The following CPNE4 variants were observed in gnomAD, a reference collection of about 807,000 sequenced individuals.
CPNE4 encodes copine 4, also known as copine-4.
CPNE4 carries 25 observed loss-of-function variants against 67.9 expected under a neutral mutation model. The ratio of observed to expected loss-of-function variants is 0.37; its 90% CI spans 0.27 to 0.51. CPNE4 has a LOEUF of 0.51. Among genes scored for constraint, CPNE4 ranks in the 20% least tolerant of loss-of-function variants. The pLI, the probability that CPNE4 is intolerant of heterozygous loss-of-function variation, is 0.93. For synonymous variants in CPNE4, 242 were observed against 244.9 expected (o/e 0.99, Z 0.11); for missense variants, 464 against 690.8 (o/e 0.67, Z 3.68).
intron 1 of CPNE4, among the ~76,000 whole-genome samples, chr3:132,021,841 A>G (rs2074003670): frequency 6.6e-6 from 1 of 152,178 alleles, no homozygotes; most frequent in African/African-American, 2.4e-5. Context: ...GTAACCACCT[A>G]TTGGAAGTAT....
Position 131,678,179 on chromosome 3 carries a change from C to T in CPNE4, c.591+7696G>A, listed in dbSNP as rs193037470. On this transcript the variant is annotated intron_variant, in intron 6 of 15. Transcript: ENST00000429747. ...TAGCTGTATTTCTAGGCATGTCACT[C>T]TTTTTTTTTAGTAGCAATTGTGAAT... Among the ~76,000 whole-genome samples, 361 of 150,706 alleles carry T rather than the reference C, an allele frequency of 2.4e-3. 1 individual carries two copies. Among genetic ancestry groups the T allele is most frequent in the African/African-American group, 8.2e-3 (337 of 41,208 alleles).
At chr3:131,643,329 G>A (rs1328242405) in intron 7 of CPNE4, among the ~76,000 whole-genome samples, 1 of 152,186 alleles carries the variant, frequency 6.6e-6, no homozygotes, top group Non-Finnish European at 1.5e-5. Flanking sequence ...GAACTTTAAG[G>A]TTTAATGACT....
chr3:131,780,356 T>C (rs565859369), intron 2 of CPNE4, among the ~76,000 whole-genome samples: 12 of 152,252 alleles, frequency 7.9e-5, no homozygotes, highest in African/African-American at 2.9e-4. Flanking sequence ...TATAAATTGT[T>C]CTATCATAAA....
intron 1 of CPNE4, among the ~76,000 whole-genome samples, chr3:131,910,090 G>A (rs974193399): frequency 6.6e-6 from 1 of 152,030 alleles, no homozygotes; most frequent in Non-Finnish European, 1.5e-5. Context: ...AGGCTGTTTT[G>A]CTGCTCACTT....
chr3:131,670,816 G>T (rs201390793), intron 6 of CPNE4, among the ~76,000 whole-genome samples: 4 of 28,414 alleles, frequency 1.4e-4, no homozygotes, highest in African/African-American at 7.7e-4. Context: ...GGAATTTTTT[G>T]TTTTTTTTTT....
chr3:131,877,058 C>T (rs1019854135), intron 2 of CPNE4, among the ~76,000 whole-genome samples: 3 of 151,448 alleles, frequency 2.0e-5, no homozygotes, highest in African/African-American at 7.3e-5. Flanking sequence ...CCTTCCTCTG[C>T]TTTAGGAGTT....
chr3:131,834,848 T>C (rs900299611), intron 2 of CPNE4, among the ~76,000 whole-genome samples: 5 of 152,136 alleles, frequency 3.3e-5, no homozygotes, highest in South Asian at 2.1e-4. Flanking sequence ...ATATAAAGTT[T>C]TGGTATTAAA....
At chr3:131,684,654 C>T (rs1022844395) in intron 6 of CPNE4, among the ~76,000 whole-genome samples, 1 of 152,178 alleles carries the variant, frequency 6.6e-6, no homozygotes, top group African/African-American at 2.4e-5. Context: ...CACACCACCA[C>T]CTTATGAAAG....
chr3:131,654,247 T>C (rs1488789753), intron 7 of CPNE4, among the ~76,000 whole-genome samples: 1 of 152,168 alleles, frequency 6.6e-6, no homozygotes, highest in Non-Finnish European at 1.5e-5. Context: ...TCCTCATCTA[T>C]TGTTTTTTTT....
intron 1 of CPNE4, among the ~76,000 whole-genome samples, chr3:132,004,922 T>C (rs1478172035): frequency 1.3e-5 from 2 of 152,086 alleles, no homozygotes; most frequent in South Asian, 4.1e-4. Flanking sequence ...ACCACTAGAA[T>C]AGATTCTTTT....
chr3:131,906,661 A>T (rs1314530423), intron 1 of CPNE4, among the ~76,000 whole-genome samples: 1 of 151,852 alleles, frequency 6.6e-6, no homozygotes, highest in Non-Finnish European at 1.5e-5. Flanking sequence ...ATTGTTGGAC[A>T]TTTGGGTTGT....
chr3:131,914,996 T>C (rs908588294), intron 1 of CPNE4, among the ~76,000 whole-genome samples: 7 of 152,050 alleles, frequency 4.6e-5, no homozygotes, highest in Admixed American at 3.3e-4. Flanking sequence ...TAAAATAAAA[T>C]AAAAACTTGC....
chr3:131,812,984 T>C (rs1185695237), intron 2 of CPNE4, among the ~76,000 whole-genome samples: 1 of 152,192 alleles, frequency 6.6e-6, no homozygotes, highest in Non-Finnish European at 1.5e-5. Context: ...ATAAGGATAC[T>C]TAAAGAAAAC....
At chr3:131,817,861 C>T (rs1447980421) in intron 2 of CPNE4, among the ~76,000 whole-genome samples, 1 of 152,174 alleles carries the variant, frequency 6.6e-6, no homozygotes, top group Non-Finnish European at 1.5e-5. Context: ...ACCACCTCTC[C>T]TAAATGAAAA....
intron 2 of CPNE4, among the ~76,000 whole-genome samples, chr3:131,852,960 T>A (rs1017823052): frequency 2.0e-5 from 3 of 151,782 alleles, no homozygotes; most frequent in African/African-American, 7.2e-5. Context: ...AGAAATTTTT[T>A]AAATATTTTA....
chr3:131,959,522 G>A (rs530463511), intron 1 of CPNE4, among the ~76,000 whole-genome samples: 1 of 152,250 alleles, frequency 6.6e-6, no homozygotes, highest in East Asian at 1.9e-4. Flanking sequence ...CACCAAAGTT[G>A]AGACACCAAT....
rs145574405 is a variant in CPNE4, at chr3:131,881,276, A to C, written c.180+23988T>G. ...ATACCTTTAGCTTTAGCCTTGGCCT[A>C]TTCTCCCCTTCTTCTAGATAAGATT... On this transcript the variant is annotated intron_variant, in intron 2 of 15. Coordinates refer to ENST00000429747, the MANE Select transcript of CPNE4 (RefSeq NM_130808.3). Among the ~76,000 whole-genome samples the C allele has an allele frequency of 2.4e-4, 36 of 152,240 alleles. No homozygotes were observed. In the East Asian group the frequency reaches 6.8e-3, roughly 29 times the overall value.
intron 2 of CPNE4, among the ~76,000 whole-genome samples, chr3:131,791,282 T>C (rs1199988111): frequency 1.3e-5 from 2 of 152,182 alleles, no homozygotes; most frequent in African/African-American, 4.8e-5. Context: ...TGTAATAGCC[T>C]TGTCACTCTT....
At position 131,583,030 on chromosome 3, in the gene CPNE4, A is replaced by G. The variant is rs529247264; in HGVS notation, c.781-1365T>C. ...TTTCTCATCACTGGAAGGTGCCAGC[A>G]GGACTGGGCAACTACATAGGATTTG... On this transcript the variant is annotated intron_variant, in intron 8 of 15. Transcript: ENST00000429747. Among the ~76,000 whole-genome samples the G allele has an allele frequency of 1.6e-4, 25 of 152,334 alleles. No individual in the cohort carries two copies. In the South Asian group the frequency reaches 5.2e-3, roughly 32 times the overall value.
Sources: allele counts gnomAD v4.1 joint callset (sites outside exome capture counted in the v4.1 genomes callset), GRCh38; gene constraint gnomAD v4.1.1; transcripts MANE v1.5; gene names NCBI Gene and HGNC (gene_info 2026-07-23, HGNC 2026-07-21).